The following FAM193A variants were observed in gnomAD, a reference collection of about 807,000 sequenced individuals.
The protein encoded by FAM193A is protein FAM193A.
A neutral mutation model predicts 126.5 loss-of-function variants in FAM193A; 22 were observed. That is an observed-to-expected ratio of 0.17 (90% CI 0.12 to 0.25). FAM193A has a LOEUF of 0.25. FAM193A is among the 10% of genes least tolerant of loss of function. FAM193A has a pLI of 1.00. For missense variants in FAM193A, 1,675 were observed against 1,672.8 expected (o/e 1.00, Z -0.02); for synonymous variants, 761 against 646.8 (o/e 1.18, Z -2.68).
chr4:2,641,295 C>T (rs1472318548), intron 6 of FAM193A, among the ~76,000 whole-genome samples: 1 of 151,760 alleles, frequency 6.6e-6, no homozygotes, highest in Non-Finnish European at 1.5e-5. Context: ...GATCCACCTG[C>T]CTCAGCCTCC....
At chr4:2,556,979 C>T (rs1261248704) in intron 1 of FAM193A, among the ~76,000 whole-genome samples, 5 of 152,082 alleles carry the variant, frequency 3.3e-5, no homozygotes, top group African/African-American at 1.2e-4. Flanking sequence ...CAAGATAGTA[C>T]ACTGGTCCCC....
chr4:2,549,542 G>A (rs1337834452), intron 1 of FAM193A, among the ~76,000 whole-genome samples: 1 of 140,958 alleles, frequency 7.1e-6, no homozygotes, highest in African/African-American at 2.6e-5. Context: ...GACTACAGGC[G>A]CCCGCCACTA....
intron 1 of FAM193A, among the ~76,000 whole-genome samples, chr4:2,583,885 T>C (rs976702467): frequency 4.6e-5 from 7 of 152,156 alleles, no homozygotes; most frequent in Non-Finnish European, 7.3e-5. Flanking sequence ...CACTGTAAGG[T>C]TGAGCATTAT....
In FAM193A at chr4:2,669,406, C is replaced by T. The variant is rs573250235; in HGVS notation, c.2080-2715C>T. 1.3e-4 allele frequency among the ~76,000 whole-genome samples: 20 copies of T among 152,048 alleles called. No individual in the cohort carries two copies. In the East Asian group the frequency reaches 2.5e-3, roughly 19 times the overall value. On this transcript the variant is annotated intron_variant, in intron 12 of 20. Transcript: ENST00000637812. ...GGCAGATCACCTGAGGTCAGGAGTTCGAGACCAGCCTAGCCAACGTGGTGA... is the reference window on the plus strand; with the variant it reads ...GGCAGATCACCTGAGGTCAGGAGTTTGAGACCAGCCTAGCCAACGTGGTGA...
At chr4:2,536,156 C>CGCGGGCGAGGCGGGCGGG (rs1404113733), upstream of FAM193A, among the ~76,000 whole-genome samples, 111 of 151,550 alleles carry the variant, frequency 7.3e-4, no homozygotes, top group African/African-American at 2.6e-3. Context: ...CGGACAGGGG[C>CGCGGGCGAGGCGGGCGGG]GCGGGCGAGG....
chr4:2,711,601 A>C (rs1454472221), intron 19 of FAM193A, among the ~76,000 whole-genome samples: 1 of 151,252 alleles, frequency 6.6e-6, no homozygotes, highest in Non-Finnish European at 1.5e-5. Flanking sequence ...CTGCCTCCCA[A>C]AGTGCTGGGA....
chr4:2,689,400 C>A, intron 13 of FAM193A, 106 bp from the exon 14 acceptor site: 1 of 768,410 alleles, frequency 1.3e-6, no homozygotes, highest in Non-Finnish European at 2.0e-6. Context: ...TCATGGCGAG[C>A]ACATCCCATG....
chr4:2,722,722 G>A (rs974674499), intron 20 of FAM193A, among the ~76,000 whole-genome samples: 13 of 152,288 alleles, frequency 8.5e-5, no homozygotes, highest in African/African-American at 1.7e-4. Context: ...GGGCATTCAC[G>A]AATGTTTGTG....
At chr4:2,596,504 C>T (rs1283247906) in intron 2 of FAM193A, among the ~76,000 whole-genome samples, 175 bp downstream of exon 2, 3 of 152,246 alleles carry the variant, frequency 2.0e-5, no homozygotes, top group Non-Finnish European at 2.9e-5. Context: ...GGCCACACTG[C>T]AGTAGGTGGC....
intron 14 of FAM193A, among the ~76,000 whole-genome samples, chr4:2,689,997 C>T (rs755535658): frequency 2.0e-5 from 3 of 152,246 alleles, no homozygotes; most frequent in Admixed American, 6.5e-5. Flanking sequence ...CTCGTGACCA[C>T]GGTCGGGTGC....
intron 20 of FAM193A, among the ~76,000 whole-genome samples, chr4:2,721,770 A>T (rs1720184687): frequency 6.6e-6 from 1 of 152,132 alleles, no homozygotes; most frequent in Non-Finnish European, 1.5e-5. Context: ...CTCCCGTGCA[A>T]CCCCACAAAC....
intron 7 of FAM193A, among the ~76,000 whole-genome samples, chr4:2,648,283 G>C (rs527268831): frequency 1.3e-5 from 2 of 152,282 alleles, no homozygotes; most frequent in Admixed American, 6.5e-5. Flanking sequence ...TCTTAGGGCA[G>C]GTGGCCCTGA....
intron 12 of FAM193A, among the ~76,000 whole-genome samples, chr4:2,667,846 C>T (rs1338050575): frequency 1.3e-5 from 2 of 152,040 alleles, no homozygotes; most frequent in Non-Finnish European, 2.9e-5. Flanking sequence ...TTACAGTATG[C>T]ATCTCTTGTG....
chr4:2,541,917 GCCTCCTGAGTTCAAGTGATT>G (rs1232932165), intron 1 of FAM193A, among the ~76,000 whole-genome samples: 7 of 151,668 alleles, frequency 4.6e-5, no homozygotes, highest in South Asian at 2.1e-4. Context: ...TGCAACTTCT[GCCTCCTGAGTTCAAGTGATT>G]CCTCCTGAGT....
At chr4:2,693,927 T>G in intron 16 of FAM193A, 53 bp downstream of exon 16, 3 of 1,549,114 alleles carry the variant, frequency 1.9e-6, no homozygotes, top group Non-Finnish European at 2.6e-6. Context: ...ATGGGTGTTA[T>G]GCCTCACTAA....
At chr4:2,731,121 G>A (rs546624889) in intron 20 of FAM193A, among the ~76,000 whole-genome samples, 11 of 151,172 alleles carry the variant, frequency 7.3e-5, no homozygotes, top group Non-Finnish European at 1.5e-4. Context: ...ACTTCAACGT[G>A]GGAGGCGGAG....
At chr4:2,613,391 T>A (rs1211692304) in intron 2 of FAM193A, among the ~76,000 whole-genome samples, 1 of 151,872 alleles carries the variant, frequency 6.6e-6, no homozygotes, top group African/African-American at 2.4e-5. Flanking sequence ...TTTTTTTTTT[T>A]TTTTGGATAT....
At chr4:2,609,564 A>G (rs902438406) in intron 2 of FAM193A, among the ~76,000 whole-genome samples, 2 of 152,248 alleles carry the variant, frequency 1.3e-5, no homozygotes, top group Non-Finnish European at 2.9e-5. Context: ...GGGTTCTCCA[A>G]TAGTTATTAT....
intron 19 of FAM193A, among the ~76,000 whole-genome samples, chr4:2,707,247 A>G (rs1360455435): frequency 6.6e-6 from 1 of 152,098 alleles, no homozygotes; most frequent in African/African-American, 2.4e-5. Context: ...ATGTTTTTCC[A>G]TTTGTTCAAG....
Sources: allele counts gnomAD v4.1 joint callset (sites outside exome capture counted in the v4.1 genomes callset), GRCh38; gene constraint gnomAD v4.1.1; transcripts MANE v1.5; gene names NCBI Gene and HGNC (gene_info 2026-07-23, HGNC 2026-07-21).